Variants in C6 observed in about 807,000 individuals in gnomAD.
C6 encodes complement C6, also known as complement component C6.
Under a neutral mutation model 112.9 loss-of-function variants are expected in C6, and 101 were observed. The observed-to-expected ratio is 0.89, with a 90% CI of 0.76 to 1.06. The LOEUF is 1.06. C6 is among the 50% of genes least tolerant of loss of function. The pLI is 0.00. For synonymous variants in C6, 431 were observed against 384.1 expected (o/e 1.12, Z -1.43); for missense variants, 1,202 against 1,104.6 (o/e 1.09, Z -1.25).
rs10067242 is a variant in C6 at position 41,142,471 on chromosome 5, G to T, written c.*354C>A. 5,762 of 257,514 alleles carry T rather than the reference G, an allele frequency of 0.022. 65 individuals are homozygous for T. Among genetic ancestry groups the T allele is most frequent in the Non-Finnish European group, 0.024 (3,166 of 129,896 alleles). The allele number at this position is 257,514 out of a possible 1,614,324, so 16.0% of individuals were successfully genotyped here. ...GATTTCTGTTTATTAACTCATTGAA[G>T]AAAATTATGGGTTTTATTCTTATTT... On this transcript the variant is annotated 3_prime_UTR_variant, in exon 18 of 18. Coordinates refer to ENST00000337836, the MANE Select transcript of C6 (RefSeq NM_000065.5).
rs977438708 is a variant in C6 at position 41,258,646 on chromosome 5, A to G, written c.-21+2548T>C. On this transcript the variant is annotated intron_variant, in intron 1 of 17. Coordinates refer to the C6 transcript ENST00000263413. ...GTTGAATGAAAGTAACCACATCTAT[A>G]CGTACTGTATTAGCCCATTCTCATG... 1.3e-5 allele frequency among the ~76,000 whole-genome samples: 2 copies of G among 152,314 alleles called. 1 individual carries two copies.
intron 1 of C6, among the ~76,000 whole-genome samples, chr5:41,234,338 G>GTTTTTTTTT (rs544459678): frequency 1.6e-5 from 2 of 127,768 alleles, no homozygotes; most frequent in African/African-American, 5.9e-5. Flanking sequence ...CTACCCTTTC[G>GTTTTTTTTT]TTTTTTTTTT....
At chr5:41,162,283 C>A (rs911975892) in intron 9 of C6, among the ~76,000 whole-genome samples, 2 of 152,186 alleles carry the variant, frequency 1.3e-5, no homozygotes, top group Non-Finnish European at 2.9e-5. Context: ...CGCCCTGCTT[C>A]TGATTTATGT....
chr5:41,161,884 C>T, intron 9 of C6, 25 bp from the exon 10 acceptor site: 3 of 1,610,726 alleles, frequency 1.9e-6, no homozygotes, highest in Non-Finnish European at 1.7e-6. Context: ...AATAAAAATG[C>T]CCATTTAATT....
chr5:41,143,805 G>C (rs546663686), intron 17 of C6, among the ~76,000 whole-genome samples: 1 of 152,216 alleles, frequency 6.6e-6, no homozygotes, highest in East Asian at 1.9e-4. Context: ...TTTTTAGTAG[G>C]CAGTTAAATT....
At chr5:41,200,256 G>A (rs10941535) in intron 3 of C6, among the ~76,000 whole-genome samples, 90,880 of 151,460 alleles carry the variant, frequency 0.6, 27,279 homozygotes, top group Non-Finnish European at 0.64. Flanking sequence ...CATAACAGTA[G>A]CCTTTCTGTA....
chr5:41,160,300 T>G lies in C6; in HGVS notation c.1526A>C (p.Lys509Thr), dbSNP rs1473754349. 1 of 1,613,888 alleles carries G rather than the reference T, an allele frequency of 6.2e-7. No individual in the cohort carries two copies. Among genetic ancestry groups the G allele is most frequent in the South Asian group, 1.1e-5 (1 of 91,086 alleles). ...CAVTKRNNLR[K>T]ALQEYAAKFD... is the part of the protein sequence containing the mutation. ...CTTGGCTGCATACTCTTGCAAAGCT[T>G]TCCTGAGGTTGTTCCGTTTTGTCAC... is the stretch of plus-strand genomic sequence containing the variant. Residue 509 changes from lysine (K) to threonine (T), a missense_variant, in exon 11 of 18, where the codon AAA becomes ACA. Physicochemically the swap from Lys to Thr is moderately conservative, Grantham distance 78. Coordinates refer to ENST00000337836, the MANE Select transcript of C6 (RefSeq NM_000065.5).
intron 1 of C6, 35 bp from the exon 2 acceptor site, chr5:41,203,285 CT>C: frequency 6.2e-7 from 1 of 1,604,648 alleles, no homozygotes; most frequent in Non-Finnish European, 8.5e-7. Context: ...ATATCAAATG[CT>C]TTTTTGAGGT....
intron 1 of C6, among the ~76,000 whole-genome samples, chr5:41,232,810 G>A (rs1163573307): frequency 1.3e-5 from 2 of 151,386 alleles, no homozygotes; most frequent in Non-Finnish European, 3.0e-5. Context: ...CTTATTTTTT[G>A]TTCTTTTTTC....
intron 8 of C6, among the ~76,000 whole-genome samples, chr5:41,175,715 G>T (rs1457974871): frequency 6.6e-6 from 1 of 152,170 alleles, no homozygotes; most frequent in Non-Finnish European, 1.5e-5. Context: ...TTTCTTCTGA[G>T]GGTGAGACAA....
In C6 at chr5:41,149,966, A is replaced by G; in HGVS notation, c.2350T>C (p.Cys784Arg). ...TCTTCTTCTGGAGACATACAAATGC[A>G]TTCAGATCCTGATTGTTTCTGTCCC... ...QLGQKQSGSECICMSPEEDCS... is the reference protein window; with the variant it reads ...QLGQKQSGSERICMSPEEDCS... The change falls in exon 16 of 18, where the codon TGC becomes CGC. Residue 784 changes from cysteine (C) to arginine (R), a missense_variant. Coordinates refer to ENST00000337836, the MANE Select transcript of C6 (RefSeq NM_000065.5). 1 of 1,612,958 alleles carries G rather than the reference A, an allele frequency of 6.2e-7. No individual in the cohort carries two copies. Among genetic ancestry groups the G allele is most frequent in the South Asian group, 1.1e-5 (1 of 91,062 alleles).
chr5:41,243,234 A>G (rs1740835472), intron 1 of C6, among the ~76,000 whole-genome samples: 1 of 152,216 alleles, frequency 6.6e-6, no homozygotes, highest in African/African-American at 2.4e-5. Flanking sequence ...ATTATTCCAC[A>G]TTGTATTCAT....
chr5:41,188,922 TA>T (rs1436130004), intron 5 of C6, among the ~76,000 whole-genome samples: 1 of 151,866 alleles, frequency 6.6e-6, no homozygotes, highest in Admixed American at 6.6e-5. Context: ...TGGAACTAAA[TA>T]AAAAAACCAA....
intron 17 of C6, among the ~76,000 whole-genome samples, chr5:41,147,718 A>T (rs1430630040): frequency 6.6e-6 from 1 of 152,232 alleles, no homozygotes; most frequent in Non-Finnish European, 1.5e-5. Context: ...CAAAGGAAAT[A>T]TCTCTAACTG....
chr5:41,232,645 T>C (rs13358005), intron 1 of C6, among the ~76,000 whole-genome samples: 17,032 of 152,004 alleles, frequency 0.11, 1,920 homozygotes, highest in African/African-American at 0.29. Flanking sequence ...CATTTGGAAA[T>C]ACAGAAAAGT....
intron 1 of C6, among the ~76,000 whole-genome samples, chr5:41,255,865 G>A (rs1561209793): frequency 6.6e-6 from 1 of 152,180 alleles, no homozygotes; most frequent in Non-Finnish European, 1.5e-5. Flanking sequence ...CCTCTACAGA[G>A]GGAATAGTTC....
intron 1 of C6, among the ~76,000 whole-genome samples, chr5:41,207,923 A>G (rs554187613): frequency 8.5e-5 from 13 of 152,320 alleles, no homozygotes; most frequent in African/African-American, 3.1e-4. Flanking sequence ...AACAGAATAT[A>G]TATTCTTCTC....
At chr5:41,241,191 G>A (rs910742608) in intron 1 of C6, among the ~76,000 whole-genome samples, 2 of 152,144 alleles carry the variant, frequency 1.3e-5, no homozygotes, top group African/African-American at 4.8e-5. Context: ...CAAGTGTGTG[G>A]CAACCTTGCT....
At chr5:41,195,969 A>G (rs1225358235) in intron 4 of C6, 36 bp from the exon 5 acceptor site, 2 of 1,611,336 alleles carry the variant, frequency 1.2e-6, no homozygotes, top group African/African-American at 2.7e-5. Flanking sequence ...AATGCAACAA[A>G]TTATCATTTT....
Sources: allele counts gnomAD v4.1 joint callset (sites outside exome capture counted in the v4.1 genomes callset), GRCh38; gene constraint gnomAD v4.1.1; transcripts MANE v1.5; gene names NCBI Gene and HGNC (gene_info 2026-07-23, HGNC 2026-07-21).